The following SENP6 variants were observed in gnomAD, a reference collection of about 807,000 sequenced individuals.
SENP6 encodes the protein sentrin-specific protease 6.
SENP6 carries 41 observed loss-of-function variants against 134.5 expected under a neutral mutation model. The observed-to-expected ratio is 0.30, with a 90% confidence interval of 0.24 to 0.40. The LOEUF is 0.40. Among genes scored for constraint, SENP6 ranks in the 10% least tolerant of loss-of-function variants. The probability of loss-of-function intolerance (pLI) is 1.00; values close to 1 mark genes in which losing one functional copy is unlikely to be tolerated. For missense variants in SENP6, 1,248 were observed against 1,312.5 expected (o/e 0.95, Z 0.76); for synonymous variants, 395 against 429.8 (o/e 0.92, Z 1.00).
chr6:75,602,690 T>G, intron 1 of SENP6, 114 bp downstream of exon 1: 1 of 1,071,668 alleles, frequency 9.3e-7, no homozygotes, highest in Non-Finnish European at 1.4e-6. Flanking sequence ...GGCGGTGAAG[T>G]ACGAGGGATG....
intron 7 of SENP6, among the ~76,000 whole-genome samples, chr6:75,648,870 G>A (rs1770650960): frequency 1.3e-5 from 2 of 152,184 alleles, no homozygotes; most frequent in Admixed American, 1.3e-4. Context: ...GCTAGTAAAT[G>A]ACAGAGCTGG....
In SENP6 at chr6:75,715,452, C is replaced by G. The variant is rs980853522; in HGVS notation, c.3197C>G (p.Thr1066Arg). 5 of 1,613,060 alleles carry G rather than the reference C, an allele frequency of 3.1e-6. No individual in the cohort carries two copies. The highest frequency in any genetic ancestry group is 4.2e-6 in the Non-Finnish European group (5 of 1,179,484). ...TGGTTTCCTCCACCAAGAATGAGAA[C>G]AAAAAGAGAAGAAATCCGAAACATA... The part of the protein sequence containing the change: ...ANWFPPPRMR[T>R]KREEIRNIIL... Residue 1066 changes from threonine (T) to arginine (R), a missense_variant, in exon 24 of 24, where the codon ACA becomes AGA. This residue lies in a region of SENP6 where 386 missense variants were observed against 395.0 expected (regional missense o/e 0.98). Transcript: ENST00000447266.
At chr6:75,703,461 A>G (rs887045279) in intron 19 of SENP6, among the ~76,000 whole-genome samples, 1 of 152,082 alleles carries the variant, frequency 6.6e-6, no homozygotes, top group Non-Finnish European at 1.5e-5. Context: ...CACTACTGCA[A>G]TCAAAATTGA....
chr6:75,677,119 G>A lies in SENP6; in HGVS notation c.1711G>A (p.Gly571Ser), dbSNP rs2149878860. ...ATTTGAAAGTATCATTAATGAAATTGGTATAAAGAATAACATCTCCAATTT... is the reference window on the plus strand; with the variant it reads ...ATTTGAAAGTATCATTAATGAAATTAGTATAAAGAATAACATCTCCAATTT... ...MVFESIINEI[G>S]IKNNISNFFA... Residue 571 changes from glycine (G) to serine (S), a missense_variant, in exon 14 of 24, where the codon GGT (glycine) becomes AGT (serine). Coordinates refer to ENST00000447266, the MANE Select transcript of SENP6 (RefSeq NM_015571.4). 1 of 1,609,244 alleles carries A rather than the reference G, an allele frequency of 6.2e-7. No individual in the cohort carries two copies. The highest frequency in any genetic ancestry group is 1.3e-5 in the African/African-American group (1 of 74,822).
In SENP6 at chr6:75,716,889, A is replaced by C. The variant is rs2149911310; in HGVS notation, c.*1295A>C. ...TTAATTTGGCCATCTCTGACATTGC[A>C]GTCAATATCTTAGGGTATTTTCTTG... On this transcript the variant is annotated 3_prime_UTR_variant, in exon 24 of 24. Transcript: ENST00000447266. The C allele has an allele frequency of 6.6e-6, 1 of 152,094 alleles. No individual in the cohort carries two copies. Among genetic ancestry groups the C allele is most frequent in the Non-Finnish European group, 1.5e-5 (1 of 67,832 alleles). The allele number at this position is 152,094 out of a possible 1,614,324, so 9.4% of individuals were successfully genotyped here. A position where few individuals can be genotyped will look rare whatever the true frequency, so the allele number is the denominator to read the frequency against.
chr6:75,702,328 C>G (rs945353021), intron 18 of SENP6, among the ~76,000 whole-genome samples: 4 of 151,600 alleles, frequency 2.6e-5, no homozygotes, highest in Admixed American at 1.3e-4. Flanking sequence ...AGTGATTCTC[C>G]TGCCTCAGCC....
intron 7 of SENP6, among the ~76,000 whole-genome samples, chr6:75,657,091 G>C (rs1771399542): frequency 6.6e-6 from 1 of 152,166 alleles, no homozygotes; most frequent in African/African-American, 2.4e-5. Flanking sequence ...CAAAGATACT[G>C]TGTGGCTTAA....
intron 18 of SENP6, 86 bp from the exon 19 acceptor site, chr6:75,702,559 G>GAA (rs537382911): frequency 7.9e-7 from 1 of 1,272,806 alleles, no homozygotes; most frequent in East Asian, 2.6e-5. Context: ...AAGAACTTTA[G>GAA]AAAAAAACAT....
intron 21 of SENP6, among the ~76,000 whole-genome samples, chr6:75,712,573 T>C (rs1459787918): frequency 6.6e-6 from 1 of 152,154 alleles, no homozygotes. Flanking sequence ...ACCTAGATTT[T>C]TTTTAACATT....
chr6:75,659,472 C>A, intron 8 of SENP6, 65 bp downstream of exon 8: 1 of 1,403,190 alleles, frequency 7.1e-7, no homozygotes, highest in Non-Finnish European at 9.8e-7. Context: ...AGTTTCAGTA[C>A]TTATTAAATT....
chr6:75,704,198 CG>C (rs1220859292), intron 19 of SENP6, among the ~76,000 whole-genome samples: 1 of 152,130 alleles, frequency 6.6e-6, no homozygotes, highest in Non-Finnish European at 1.5e-5. Flanking sequence ...CCCAGGAGAA[CG>C]GCACTCAGCA....
chr6:75,665,879 T>C (rs1316900484), intron 9 of SENP6, among the ~76,000 whole-genome samples: 2 of 151,392 alleles, frequency 1.3e-5, no homozygotes, highest in Non-Finnish European at 2.9e-5. Context: ...ATACAAAAAT[T>C]AGCTGGGTGT....
intron 11 of SENP6, among the ~76,000 whole-genome samples, chr6:75,674,819 C>T (rs562367128): frequency 2.6e-5 from 4 of 152,268 alleles, no homozygotes; most frequent in Middle Eastern, 3.4e-3. Flanking sequence ...AAGACTTTTG[C>T]AGTGAACATT....
At chr6:75,678,523 C>T in intron 14 of SENP6, 60 bp from the exon 15 acceptor site, 4 of 824,486 alleles carry the variant, frequency 4.9e-6, no homozygotes, top group East Asian at 4.9e-5. Flanking sequence ...TTGTGCTTAC[C>T]CTTTTTATTG....
intron 21 of SENP6, 36 bp from the exon 22 acceptor site, chr6:75,713,477 T>A (rs1435529805): frequency 6.6e-7 from 1 of 1,504,794 alleles, no homozygotes; most frequent in East Asian, 2.3e-5. Context: ...TGTAATATTA[T>A]GAAGTATTCG....
At chr6:75,679,990 G>C (rs1014520694) in intron 16 of SENP6, 5 of 152,150 alleles carry the variant, frequency 3.3e-5, no homozygotes, top group African/African-American at 1.2e-4. Flanking sequence ...TTGAATTTCT[G>C]TTAAGACCAT....
At chr6:75,708,933 G>C (rs1485234169) in intron 19 of SENP6, among the ~76,000 whole-genome samples, 1 of 152,018 alleles carries the variant, frequency 6.6e-6, no homozygotes, top group Admixed American at 6.6e-5. Flanking sequence ...AAATTGAAAT[G>C]GTAGTAAATC....
At chr6:75,707,497 G>T (rs981724776) in intron 19 of SENP6, among the ~76,000 whole-genome samples, 1 of 150,850 alleles carries the variant, frequency 6.6e-6, no homozygotes, top group Non-Finnish European at 1.5e-5. Flanking sequence ...CTGAGTAGCT[G>T]GGACTATAGG....
intron 3 of SENP6, among the ~76,000 whole-genome samples, chr6:75,626,901 G>A (rs1378147838): frequency 4.0e-5 from 6 of 151,310 alleles, no homozygotes; most frequent in South Asian, 2.1e-4. Context: ...TTTTTTTTCC[G>A]TCTTTCTGGG....
Sources: gnomAD v4.1 joint callset for allele counts (sites outside exome capture counted in the v4.1 genomes callset) on GRCh38, gnomAD v4.1.1 for gene constraint, gnomAD v4.1.1 regional missense constraint, MANE v1.5 for transcripts, NCBI Gene and HGNC (gene_info 2026-07-23, HGNC 2026-07-21) for gene names.